The following CAMTA1 variants were observed in gnomAD, a reference collection of about 807,000 sequenced individuals.
CAMTA1 encodes calmodulin-binding transcription activator 1.
In CAMTA1, 27 loss-of-function variants were observed where a neutral mutation model predicts 170.9. The ratio of observed to expected loss-of-function variants is 0.16; its 90% CI spans 0.12 to 0.22. The LOEUF (loss-of-function observed/expected upper bound fraction) is 0.22, where lower values mean the gene tolerates loss of function less well. Among genes scored for constraint, CAMTA1 ranks in the 10% least tolerant of loss-of-function variants. CAMTA1 has a pLI of 1.00. For missense variants in CAMTA1, 1,619 were observed against 2,217.2 expected (o/e 0.73, Z 5.42); for synonymous variants, 833 against 891.5 (o/e 0.93, Z 1.17).
At chr1:7,107,278 A>ATATGTGTG (rs1553247657) in intron 4 of CAMTA1, among the ~76,000 whole-genome samples, 1 of 142,332 alleles carries the variant, frequency 7.0e-6, no homozygotes, top group Non-Finnish European at 1.5e-5. Context: ...GTGTGTGTGC[A>ATATGTGTG]TGTGTGTGTG....
intron 3 of CAMTA1, among the ~76,000 whole-genome samples, chr1:7,070,398 C>A (rs918634306): frequency 4.6e-5 from 7 of 152,186 alleles, no homozygotes; most frequent in African/African-American, 1.7e-4. Context: ...AATCATTTTT[C>A]ATTCAGTTAC....
intron 5 of CAMTA1, among the ~76,000 whole-genome samples, chr1:7,413,153 C>A (rs961200745): frequency 1.5e-4 from 23 of 152,030 alleles, no homozygotes; most frequent in Admixed American, 1.3e-3. Flanking sequence ...GTTTTGGTTA[C>A]TGTAGCCTTG....
Position 7,680,155 on chromosome 1 carries a change from C to T in CAMTA1, c.2914+2422C>T, listed in dbSNP as rs753877190. 23 of 202,390 alleles carry T rather than the reference C, an allele frequency of 1.1e-4. No homozygotes were observed. The highest frequency in any genetic ancestry group is 2.5e-4 in the Non-Finnish European group (23 of 92,522). The allele number at this position is 202,390 out of a possible 1,614,324, so 12.5% of individuals were successfully genotyped here. On this transcript the variant is annotated intron_variant, in intron 11 of 22. Transcript: ENST00000303635. The surrounding 1 kb of genome is among the most constrained non-coding windows in gnomAD (Gnocchi z 4.4). ...AGCGCGGGGGTCCCGGGCCTCTGGC[C>T]AGCCACGGGGCCTGGCCATGAACTT...
chr1:7,147,655 C>T lies in CAMTA1; in HGVS notation c.302+56284C>T, dbSNP rs575006241. Reference sequence around the variant, plus strand: ...AACATACACCACAAATACACATACTCAAATATGCACCATGCACACACACAT... The same window carrying T: ...AACATACACCACAAATACACATACTTAAATATGCACCATGCACACACACAT... On this transcript the variant is annotated intron_variant, in intron 4 of 22. Coordinates refer to ENST00000303635, the MANE Select transcript of CAMTA1 (RefSeq NM_015215.4). Among the ~76,000 whole-genome samples the T allele has an allele frequency of 8.5e-3, 1,288 of 151,428 alleles. 7 individuals carry two copies. Among genetic ancestry groups the T allele is most frequent in the African/African-American group, 0.029 (1,209 of 41,278 alleles).
chr1:7,269,416 G>A (rs905706292), intron 5 of CAMTA1, among the ~76,000 whole-genome samples: 1 of 152,202 alleles, frequency 6.6e-6, no homozygotes, highest in Admixed American at 6.5e-5. Context: ...AGAAGTCACA[G>A]TTTTTTGTAA....
intron 7 of CAMTA1, among the ~76,000 whole-genome samples, chr1:7,647,715 G>A (rs936627628): frequency 2.0e-5 from 3 of 152,212 alleles, no homozygotes; most frequent in Non-Finnish European, 4.4e-5. Context: ...TGGGGACGGC[G>A]GGCTGGGAGC....
intron 6 of CAMTA1, among the ~76,000 whole-genome samples, chr1:7,501,180 G>T (rs921228280): frequency 6.6e-5 from 10 of 152,108 alleles, no homozygotes; most frequent in African/African-American, 2.4e-4. Context: ...CTCCAGGGAG[G>T]CTCTCCCTGG....
chr1:7,230,292 G>C (rs1448561221), intron 4 of CAMTA1, among the ~76,000 whole-genome samples: 1 of 152,160 alleles, frequency 6.6e-6, no homozygotes, highest in African/African-American at 2.4e-5. Flanking sequence ...GAATGAGGCC[G>C]GGGTCTGGGG....
At position 7,298,549 on chromosome 1, in the gene CAMTA1, G is replaced by A. The variant is rs139977863; in HGVS notation, c.438+48923G>A. Among the ~76,000 whole-genome samples, 675 of 152,222 alleles carry A rather than the reference G, an allele frequency of 4.4e-3. 8 individuals are homozygous for A. Among genetic ancestry groups the A allele is most frequent in the Admixed American group, 0.024 (368 of 15,294 alleles). ...GTACATTTCCACCATCTACAGGGGC[G>A]GAATTCCGGTCATTTGCTACAGGGG... On this transcript the variant is annotated intron_variant, in intron 5 of 22. Coordinates refer to ENST00000303635, the MANE Select transcript of CAMTA1 (RefSeq NM_015215.4).
At chr1:7,290,316 T>C (rs902967079) in intron 5 of CAMTA1, among the ~76,000 whole-genome samples, 1 of 152,240 alleles carries the variant, frequency 6.6e-6, no homozygotes, top group Non-Finnish European at 1.5e-5. Context: ...ATTTAGGTGA[T>C]GAAAACACCA....
rs1315886085 is a variant in CAMTA1 at position 7,585,968 on chromosome 1, C to T, written c.511-54432C>T. Among the ~76,000 whole-genome samples, 2 of 152,126 alleles carry T rather than the reference C, an allele frequency of 1.3e-5. No homozygotes were observed. The highest frequency in any genetic ancestry group is 1.5e-5 in the Non-Finnish European group (1 of 68,036). ...GACCCTGGGTCCAGCTCCTCACATG[C>T]ACTCACAGGGCAGGGACAAGTTTGC... is the stretch of plus-strand genomic sequence containing the variant. On this transcript the variant is annotated intron_variant, in intron 6 of 22. Coordinates refer to ENST00000303635, the MANE Select transcript of CAMTA1 (RefSeq NM_015215.4). This position sits in a 1 kb window ranked among gnomAD's most constrained non-coding sequence, Gnocchi z 4.8.
At chr1:7,158,164 A>G (rs1647004665) in intron 4 of CAMTA1, among the ~76,000 whole-genome samples, 2 of 152,192 alleles carry the variant, frequency 1.3e-5, no homozygotes, top group Admixed American at 1.3e-4. Flanking sequence ...GTCTCAAAAA[A>G]AGAAAACCAA....
chr1:7,186,062 AG>A (rs1463124951), intron 4 of CAMTA1, among the ~76,000 whole-genome samples: 1 of 152,208 alleles, frequency 6.6e-6, no homozygotes, highest in Non-Finnish European at 1.5e-5. Flanking sequence ...CACAGTGAAG[AG>A]GTACAGGGGC....
rs375741511 is a variant in CAMTA1, at chr1:6,971,797, C to T, written c.235-119507C>T. ...GGCCAGGCCTGCCTGTGGCCGCCCCCGGGTCTCAGCAATGGCATTATCACT... is the reference window on the plus strand; with the variant it reads ...GGCCAGGCCTGCCTGTGGCCGCCCCTGGGTCTCAGCAATGGCATTATCACT... On this transcript the variant is annotated intron_variant, in intron 3 of 22. Coordinates refer to ENST00000303635, the MANE Select transcript of CAMTA1 (RefSeq NM_015215.4). The surrounding 1 kb of genome is among the most constrained non-coding windows in gnomAD (Gnocchi z 4.6). Among the ~76,000 whole-genome samples the T allele has an allele frequency of 5.9e-5, 9 of 152,338 alleles. No homozygotes were observed. The South Asian group carries it at 1.2e-3, about 21-fold the overall frequency.
At chr1:6,939,061 A>G (rs1571886394) in intron 3 of CAMTA1, among the ~76,000 whole-genome samples, 1 of 152,180 alleles carries the variant, frequency 6.6e-6, no homozygotes, top group South Asian at 2.1e-4. Context: ...GTGGCTTGGG[A>G]AAACTCAGGG....
intron 3 of CAMTA1, among the ~76,000 whole-genome samples, chr1:7,066,061 GC>G (rs1343362961): frequency 2.0e-5 from 3 of 152,176 alleles, no homozygotes; most frequent in Non-Finnish European, 4.4e-5. Context: ...GGGATCTGGG[GC>G]CACTTGAGCT....
intron 3 of CAMTA1, among the ~76,000 whole-genome samples, chr1:7,051,962 C>T (rs1350736818): frequency 6.6e-6 from 1 of 152,078 alleles, no homozygotes; most frequent in Admixed American, 6.5e-5. Context: ...GCAGCCTCCC[C>T]CTTCTTCCGC....
At chr1:7,323,354 C>T (rs1678739053) in intron 5 of CAMTA1, among the ~76,000 whole-genome samples, 1 of 151,978 alleles carries the variant, frequency 6.6e-6, no homozygotes, top group South Asian at 2.1e-4. Context: ...CTCCAGATAT[C>T]CATGTGGCTT....
At chr1:7,232,294 C>CT (rs1024954501) in intron 4 of CAMTA1, among the ~76,000 whole-genome samples, 2 of 372 alleles carry the variant, frequency 5.4e-3, no homozygotes, top group Non-Finnish European at 7.4e-3. Context: ...ACACGGCTGC[C>CT]CCGGCTTCTC....
Sources: gnomAD v4.1 joint callset for allele counts (sites outside exome capture counted in the v4.1 genomes callset) on GRCh38, gnomAD v4.1.1 for gene constraint, Gnocchi (gnomAD v3.1) non-coding constraint, MANE v1.5 for transcripts, NCBI Gene and HGNC (gene_info 2026-07-23, HGNC 2026-07-21) for gene names.